Variants in TASP1 observed in about 807,000 individuals in gnomAD.
TASP1 encodes the protein taspase 1, also known as threonine aspartase 1.
Under a neutral mutation model 56.6 loss-of-function variants are expected in TASP1, and 16 were observed. That is an observed-to-expected ratio of 0.28 (90% CI 0.19 to 0.43). The LOEUF is 0.43. TASP1 is among the 20% of genes least tolerant of loss of function. The pLI, the probability that TASP1 is intolerant of heterozygous loss-of-function variation, is 1.00. For missense variants in TASP1, 393 were observed against 511.6 expected, an observed-to-expected ratio of 0.77 and a Z score of 2.24; for synonymous variants, 179 against 184.2, an observed-to-expected ratio of 0.97 and a Z score of 0.23.
the TASP1 span, among the ~76,000 whole-genome samples, chr20:13,277,769 T>C: frequency 6.6e-6 from 1 of 151,986 alleles, no homozygotes; most frequent in Non-Finnish European, 1.5e-5. Context: ...CCCTTCTAGG[T>C]GTCCCGTGAC....
intron 8 of TASP1, among the ~76,000 whole-genome samples, chr20:13,536,520 A>G (rs1021543037): frequency 1.3e-5 from 2 of 152,226 alleles, no homozygotes; most frequent in Non-Finnish European, 2.9e-5. Flanking sequence ...AACAAACTGT[A>G]AAATAACTTT....
At chr20:13,164,978 C>A in the TASP1 span, 1 of 870,686 alleles carries the variant, frequency 1.1e-6, no homozygotes. Context: ...TTTTGGTTCC[C>A]AGACCAGCTT....
chr20:13,394,008 T>C lies in TASP1; in HGVS notation c.1171-3556A>G, dbSNP rs545297868. On this transcript the variant is annotated intron_variant, in intron 13 of 13. Coordinates refer to ENST00000337743, the MANE Select transcript of TASP1 (RefSeq NM_017714.3). ...AATCTTAGATTTTTTTGGACGGGCGTGGTGGCTCACGCCTGTAATCCTAGC... is the reference window on the plus strand; with the variant it reads ...AATCTTAGATTTTTTTGGACGGGCGCGGTGGCTCACGCCTGTAATCCTAGC... Among the ~76,000 whole-genome samples the C allele has an allele frequency of 3.6e-4, 55 of 152,246 alleles. No homozygotes were observed. The East Asian group carries it at 0.01, about 28-fold the overall frequency.
the TASP1 span, among the ~76,000 whole-genome samples, chr20:13,215,452 CA>C: frequency 6.6e-6 from 1 of 152,264 alleles, no homozygotes; most frequent in African/African-American, 2.4e-5. Context: ...AACAACAAAG[CA>C]AATGCAATAA....
At chr20:13,511,528 C>T (rs2146719866) in intron 10 of TASP1, among the ~76,000 whole-genome samples, 1 of 152,240 alleles carries the variant, frequency 6.6e-6, no homozygotes, top group East Asian at 1.9e-4. Context: ...CAAAACTACA[C>T]CAATCCAAAC....
the TASP1 span, among the ~76,000 whole-genome samples, chr20:13,340,043 TAC>T: frequency 6.6e-6 from 1 of 152,016 alleles, no homozygotes; most frequent in Non-Finnish European, 1.5e-5. Context: ...CTGTCTCTAC[TAC>T]AGAGTCTGAA....
chr20:13,605,470 C>T (rs887335304), intron 4 of TASP1, among the ~76,000 whole-genome samples: 12 of 151,982 alleles, frequency 7.9e-5, no homozygotes, highest in African/African-American at 2.4e-4. Flanking sequence ...TCAAGGTCGG[C>T]GGTTTGAGAC....
intron 12 of TASP1, among the ~76,000 whole-genome samples, chr20:13,418,486 A>G (rs1402229034): frequency 6.6e-6 from 1 of 152,228 alleles, no homozygotes; most frequent in Non-Finnish European, 1.5e-5. Flanking sequence ...GTGAGCCCAT[A>G]CTGATCCAAA....
the TASP1 span, among the ~76,000 whole-genome samples, chr20:13,181,584 G>A: frequency 1.4e-3 from 208 of 152,306 alleles, no homozygotes; most frequent in African/African-American, 4.7e-3. Flanking sequence ...CCACTGGAAT[G>A]TCTTGACAAA....
intron 11 of TASP1, among the ~76,000 whole-genome samples, chr20:13,444,525 T>C (rs929239286): frequency 6.6e-6 from 1 of 152,028 alleles, no homozygotes; most frequent in African/African-American, 2.4e-5. Flanking sequence ...TGAAAACACA[T>C]ACATTAACTC....
At chr20:13,238,311 T>C in the TASP1 span, among the ~76,000 whole-genome samples, 2 of 152,142 alleles carry the variant, frequency 1.3e-5, no homozygotes, top group South Asian at 4.1e-4. Flanking sequence ...GCTCTGAAAG[T>C]TCTTGAGAAG....
At chr20:13,336,624 C>T in the TASP1 span, among the ~76,000 whole-genome samples, 1 of 152,076 alleles carries the variant, frequency 6.6e-6, no homozygotes, top group African/African-American at 2.4e-5. Flanking sequence ...GAGAGACCAT[C>T]CTAGAAAGGA....
intron 11 of TASP1, among the ~76,000 whole-genome samples, chr20:13,459,570 G>C (rs1430290600): frequency 4.6e-5 from 7 of 152,074 alleles, no homozygotes; most frequent in African/African-American, 1.7e-4. Flanking sequence ...TTAAATTCAT[G>C]GTCACTATCT....
At chr20:13,570,812 G>C (rs1052690973) in intron 6 of TASP1, among the ~76,000 whole-genome samples, 4 of 152,200 alleles carry the variant, frequency 2.6e-5, no homozygotes, top group East Asian at 1.9e-4. Flanking sequence ...CAAATGTTAA[G>C]ATGACTGAAA....
intron 2 of TASP1, among the ~76,000 whole-genome samples, chr20:13,627,733 T>TTAAAAAAAAAAA (rs765053115): frequency 1.7e-5 from 2 of 119,518 alleles, no homozygotes; most frequent in African/African-American, 7.9e-5. Flanking sequence ...AACTTAGTCT[T>TTAAAAAAAAAAA]AAAAAAAAAA....
intron 7 of TASP1, among the ~76,000 whole-genome samples, chr20:13,569,059 T>C (rs2046627752): frequency 6.6e-6 from 1 of 152,148 alleles, no homozygotes; most frequent in African/African-American, 2.4e-5. Flanking sequence ...TATCCCTTTG[T>C]CATATTTGTG....
chr20:13,366,604 G>A, the TASP1 span, among the ~76,000 whole-genome samples: 45 of 152,200 alleles, frequency 3.0e-4, no homozygotes, highest in Middle Eastern at 3.4e-3. Context: ...CTTCCTAGCC[G>A]CCTATGTGGT....
intron 2 of TASP1, among the ~76,000 whole-genome samples, chr20:13,625,614 GCTGA>G (rs2048861718): frequency 6.6e-6 from 1 of 152,184 alleles, no homozygotes; most frequent in East Asian, 1.9e-4. Context: ...GTTCCTCTCT[GCTGA>G]CTGTCAGAAA....
intron 11 of TASP1, among the ~76,000 whole-genome samples, chr20:13,464,030 A>G (rs2044155989): frequency 6.6e-6 from 1 of 152,146 alleles, no homozygotes; most frequent in African/African-American, 2.4e-5. Context: ...AGCAAATCTC[A>G]AAGAGATATT....
Sources: gnomAD v4.1 joint callset for allele counts (sites outside exome capture counted in the v4.1 genomes callset) on GRCh38, gnomAD v4.1.1 for gene constraint, MANE v1.5 for transcripts, NCBI Gene and HGNC (gene_info 2026-07-23, HGNC 2026-07-21) for gene names.